PRSS55: variants seen among roughly 807,000 people sequenced by gnomAD.
The protein encoded by PRSS55 is serine protease 55.
A neutral mutation model predicts 23.6 loss-of-function variants in PRSS55; 41 were observed. That is an observed-to-expected ratio of 1.74 (90% CI 1.35 to 2.26). The LOEUF is 2.26. Among genes scored for constraint, PRSS55 ranks in the 30% most tolerant of loss-of-function variants. The pLI, the probability that PRSS55 is intolerant of heterozygous loss-of-function variation, is 0.00. For synonymous variants in PRSS55, 262 were observed against 175.5 expected, an observed-to-expected ratio of 1.49 and a Z score of -3.90; for missense variants, 669 against 439.1, an observed-to-expected ratio of 1.52 and a Z score of -4.68.
At chr8:10,526,267 C>T (rs949894495) in intron 1 of PRSS55, among the ~76,000 whole-genome samples, 10 of 152,206 alleles carry the variant, frequency 6.6e-5, no homozygotes, top group Admixed American at 3.3e-4. Flanking sequence ...CACACCACCA[C>T]GGTGGGGCAT....
At chr8:10,529,357 C>A in intron 1 of PRSS55, 150 bp from the exon 2 acceptor site, 1 of 760,920 alleles carries the variant, frequency 1.3e-6, no homozygotes, top group Admixed American at 2.0e-5. Context: ...ACAAGGGCTG[C>A]CCCGCTCGGC....
At chr8:10,546,059 G>A (rs1812810531) in intron 4 of PRSS55, among the ~76,000 whole-genome samples, 1 of 152,104 alleles carries the variant, frequency 6.6e-6, no homozygotes, top group Non-Finnish European at 1.5e-5. Flanking sequence ...CCCCATCTGA[G>A]GTCCAAGGAG....
At chr8:10,534,863 CAA>C (rs1437260140) in intron 4 of PRSS55, among the ~76,000 whole-genome samples, 1 of 152,292 alleles carries the variant, frequency 6.6e-6, no homozygotes, top group East Asian at 1.9e-4. Context: ...GCAACTTCAG[CAA>C]AGTTTCGGGA....
At chr8:10,553,504 G>T (rs1465593537) in intron 4 of PRSS55, among the ~76,000 whole-genome samples, 2 of 152,188 alleles carry the variant, frequency 1.3e-5, no homozygotes, top group African/African-American at 4.8e-5. Context: ...CAATGACACA[G>T]ATGAACCTAG....
rs145078199 is a variant in PRSS55 at position 10,531,483 on chromosome 8, C to A, written c.536C>A (p.Thr179Lys). The change falls in exon 3 of 5, where the codon ACG (threonine) becomes AAG (lysine). Residue 179 changes from threonine to lysine, a missense_variant. Thr to Lys is a moderately conservative substitution (Grantham distance 78, BLOSUM62 -1). Transcript: ENST00000328655. ...CTGAAGGTGCCCATCTGCCTCCCCA[C>A]GCAGCCCGGCCCTGCCACATGGCGC... ...DDLKVPICLP[T>K]QPGPATWREC... The A allele has an allele frequency of 1.1e-5, 18 of 1,613,850 alleles. No individual in the cohort carries two copies. The highest frequency in any genetic ancestry group is 2.7e-5 in the African/African-American group (2 of 74,962).
At chr8:10,549,208 G>A (rs1293367062) in intron 4 of PRSS55, among the ~76,000 whole-genome samples, 1 of 152,200 alleles carries the variant, frequency 6.6e-6, no homozygotes, top group Non-Finnish European at 1.5e-5. Context: ...GGATGGAGCT[G>A]GGTCCTGTCC....
At chr8:10,553,123 A>G (rs1342834765) in intron 4 of PRSS55, among the ~76,000 whole-genome samples, 1 of 152,156 alleles carries the variant, frequency 6.6e-6, no homozygotes, top group African/African-American at 2.4e-5. Context: ...AGTTTTCCAT[A>G]TGCTATTCTC....
intron 3 of PRSS55, among the ~76,000 whole-genome samples, chr8:10,532,378 A>T (rs1812299529): frequency 1.3e-5 from 2 of 152,084 alleles, no homozygotes; most frequent in South Asian, 4.1e-4. Context: ...ATGGAGAGGA[A>T]TTCAGGTGAA....
rs769990390 is a variant in PRSS55 at position 10,529,592 on chromosome 8, G to A, written c.240G>A (p.Pro80=). 1.6e-5 allele frequency: 26 copies of A among 1,614,078 alleles called. No homozygotes were observed. Among genetic ancestry groups the A allele is most frequent in the Middle Eastern group, 1.6e-4 (1 of 6,084 alleles). ...TGGAGGCGGAGGTGGGTGAGTTTCC[G>A]TGGCAGGTGAGTATTCAGGCAAGAA... ...GGMEAEVGEF[P]WQVSIQARSE... is the part of the protein sequence containing the mutation. The change falls in exon 2 of 5, where the codon CCG becomes CCA. Residue 80 remains proline, a synonymous_variant. Coordinates refer to ENST00000328655, the MANE Select transcript of PRSS55 (RefSeq NM_198464.4).
intron 4 of PRSS55, among the ~76,000 whole-genome samples, chr8:10,549,738 C>G (rs998793307): frequency 6.6e-5 from 10 of 152,162 alleles, no homozygotes; most frequent in Admixed American, 6.5e-4. Flanking sequence ...TGGAGAAAGA[C>G]GGAGTGCTTG....
chr8:10,531,565 C>T lies in PRSS55; in HGVS notation c.598+20C>T, dbSNP rs1387625067. 2.5e-6 allele frequency: 4 copies of T among 1,610,590 alleles called. No homozygotes were observed. The highest frequency in any genetic ancestry group is 1.7e-6 in the Non-Finnish European group (2 of 1,178,780). ...ATGCTGGTATGTGACTGCTCAGCTT[C>T]CCCTGGGGAAAAAGCCACTGCAATG... On this transcript the variant is annotated intron_variant, in intron 3 of 4. Transcript: ENST00000328655.
chr8:10,540,053 C>T (rs1432131580), downstream of PRSS55, among the ~76,000 whole-genome samples: 2 of 152,186 alleles, frequency 1.3e-5, no homozygotes, highest in African/African-American at 2.4e-5. Context: ...CAGAGGCTCT[C>T]GCCTCTGCTT....
chr8:10,539,235 G>A (rs1367853004), downstream of PRSS55, among the ~76,000 whole-genome samples: 1 of 152,146 alleles, frequency 6.6e-6, no homozygotes, highest in Non-Finnish European at 1.5e-5. Flanking sequence ...TAGTCTCTTA[G>A]TTCTACGCAG....
intron 1 of PRSS55, among the ~76,000 whole-genome samples, chr8:10,528,604 C>T (rs1432484803): frequency 6.6e-6 from 1 of 152,204 alleles, no homozygotes; most frequent in Non-Finnish European, 1.5e-5. Context: ...AGCTGCTCAG[C>T]CTTGACTAGC....
At chr8:10,543,477 TCTC>T (rs1235844993), downstream of PRSS55, among the ~76,000 whole-genome samples, 7 of 23,804 alleles carry the variant, frequency 2.9e-4, no homozygotes, top group African/African-American at 3.7e-4. Flanking sequence ...TCTTTCTTTC[TCTC>T]TTTTTTTTTT....
chr8:10,532,110 G>A (rs973797864), intron 3 of PRSS55, among the ~76,000 whole-genome samples: 2 of 152,214 alleles, frequency 1.3e-5, no homozygotes, highest in Non-Finnish European at 2.9e-5. Context: ...GGGAGGGGAT[G>A]AGAACAGCAA....
In PRSS55 at chr8:10,529,636, G is replaced by A. The variant is rs1444737455; in HGVS notation, c.284G>A (p.Gly95Asp). 6.2e-7 allele frequency: 1 copy of A among 1,614,200 alleles called. No individual in the cohort carries two copies. The highest frequency in any genetic ancestry group is 8.5e-7 in the Non-Finnish European group (1 of 1,180,034). Reference sequence around the variant, plus strand: ...GCAAGAAGTGAACCTTTCTGTGGCGGCTCCATCCTCAACAAGTGGTGGATT... The same window carrying A: ...GCAAGAAGTGAACCTTTCTGTGGCGACTCCATCCTCAACAAGTGGTGGATT... Reference protein sequence around the residue: ...IQARSEPFCGGSILNKWWILT... With the variant: ...IQARSEPFCGDSILNKWWILT... Residue 95 changes from glycine (G) to aspartate (D), a missense_variant, in exon 2 of 5, where the codon GGC (glycine) becomes GAC (aspartate). Physicochemically the swap from Gly to Asp is moderately conservative, Grantham distance 94. Transcript: ENST00000328655.
In PRSS55 at chr8:10,538,658, A is replaced by C; in HGVS notation, c.924A>C (p.Ala308=). 1 of 1,614,164 alleles carries C rather than the reference A, an allele frequency of 6.2e-7. No individual in the cohort carries two copies. Among genetic ancestry groups the C allele is most frequent in the Non-Finnish European group, 8.5e-7 (1 of 1,180,020 alleles). The change falls in exon 5 of 5, where the codon GCA becomes GCC. Residue 308 remains alanine, a synonymous_variant. Coordinates refer to ENST00000328655, the MANE Select transcript of PRSS55 (RefSeq NM_198464.4). The stretch of plus-strand genomic sequence containing the variant: ...AGCTAGAGGGCAGGCCCTTCAATGC[A>C]GAGAAAAGGAGGACTTCTGTCAAAC... ...VTQLEGRPFN[A]EKRRTSVKQK...
intron 1 of PRSS55, among the ~76,000 whole-genome samples, chr8:10,527,076 A>T (rs1204389223): frequency 6.6e-6 from 1 of 152,142 alleles, no homozygotes; most frequent in Non-Finnish European, 1.5e-5. Context: ...TTCCTTCCAT[A>T]CTTATAAACC....
Sources: allele counts gnomAD v4.1 joint callset (sites outside exome capture counted in the v4.1 genomes callset), GRCh38; gene constraint gnomAD v4.1.1; transcripts MANE v1.5; gene names NCBI Gene and HGNC (gene_info 2026-07-23, HGNC 2026-07-21).